The following ZNF875 variants were observed in gnomAD, a reference collection of about 807,000 sequenced individuals.
The protein encoded by ZNF875 is zinc finger protein 875.
ZNF875 carries 14 observed loss-of-function variants against 11.2 expected under a neutral mutation model. The ratio of observed to expected loss-of-function variants is 1.26; its 90% CI spans 0.83 to 1.96. The LOEUF (loss-of-function observed/expected upper bound fraction) is 1.96, where lower values mean the gene tolerates loss of function less well. Among genes scored for constraint, ZNF875 ranks in the 30% most tolerant of loss-of-function variants. The pLI, the probability that ZNF875 is intolerant of heterozygous loss-of-function variation, is 0.00. For synonymous variants in ZNF875, 301 were observed against 281.1 expected (o/e 1.07, Z -0.71); for missense variants, 752 against 760.4 (o/e 0.99, Z 0.13).
Position 37,334,778 on chromosome 19 carries a change from G to T in ZNF875, c.-61G>T, listed in dbSNP as rs778975257. ...TTCAGGATCCGCAGCGTGCACCCGC[G>T]TTCCGTGAGTGCCCTATAGGCAGTC... is the stretch of plus-strand genomic sequence containing the variant. On this transcript the variant is annotated 5_prime_UTR_variant, in exon 1 of 5. Transcript: ENST00000392153. The T allele has an allele frequency of 2.2e-6, 1 of 456,544 alleles. No individual in the cohort carries two copies. The highest frequency in any genetic ancestry group is 1.5e-5 in the South Asian group (1 of 64,560). The allele number at this position is 456,544 out of a possible 1,614,324, so 28.3% of individuals were successfully genotyped here.
At chr19:37,334,848 G>T (rs2033979279) in intron 1 of ZNF875, 66 bp downstream of exon 1, 1 of 461,188 alleles carries the variant, frequency 2.2e-6, no homozygotes, top group South Asian at 1.6e-5. Context: ...ACGCCGGCTG[G>T]GAGCCGCAGA....
chr19:37,325,996 A>G (rs1430888042), intron 4 of ZNF875, among the ~76,000 whole-genome samples: 1 of 152,174 alleles, frequency 6.6e-6, no homozygotes, highest in South Asian at 2.1e-4. Flanking sequence ...CGCGTGAGCC[A>G]CTGCACTTGG....
upstream of ZNF875, among the ~76,000 whole-genome samples, chr19:37,317,532 C>G (rs2030313154): frequency 1.3e-5 from 2 of 152,188 alleles, no homozygotes; most frequent in African/African-American, 4.8e-5. Flanking sequence ...CTGTGTTCAC[C>G]GGGAGGTGGG....
intron 2 of ZNF875, among the ~76,000 whole-genome samples, chr19:37,336,297 A>ATT (rs34434733): frequency 0.013 from 1,606 of 124,324 alleles, 32 homozygotes; most frequent in Non-Finnish European, 0.019. Flanking sequence ...TTAAGATTGA[A>ATT]TTTTTTTTTT....
Position 37,347,199 on chromosome 19 carries a change from G to A in ZNF875, c.43G>A (p.Ala15Thr), listed in dbSNP as rs549724058. ...GTGTTTTGTGTTAAAGGCGTTCGTG[G>A]CATTCAGGGATGTGGCTGTGTACTT... The part of the protein sequence containing the change: ...LLRAKKEAFV[A>T]FRDVAVYFTQ... Residue 15 changes from alanine to threonine, a missense_variant, in exon 3 of 5, where the codon GCA (alanine) becomes ACA (threonine). Transcript: ENST00000392153. 8 of 1,614,028 alleles carry A rather than the reference G, an allele frequency of 5.0e-6. No homozygotes were observed. The South Asian group carries it at 8.8e-5, about 18-fold the overall frequency.
chr19:37,318,613 C>T (rs2030577539), intron 1 of ZNF875, among the ~76,000 whole-genome samples: 1 of 151,562 alleles, frequency 6.6e-6, no homozygotes, highest in Non-Finnish European at 1.5e-5. Context: ...GCTCTGTCTC[C>T]TGGGTTCACG....
intron 2 of ZNF875, among the ~76,000 whole-genome samples, chr19:37,323,143 A>C (rs985664508): frequency 2.0e-5 from 3 of 148,108 alleles, no homozygotes; most frequent in Non-Finnish European, 4.4e-5. Context: ...GTTGTTGGGC[A>C]AACGGTCTGA....
chr19:37,320,171 G>C (rs1440980177), intron 1 of ZNF875, among the ~76,000 whole-genome samples: 2 of 152,160 alleles, frequency 1.3e-5, no homozygotes, highest in Non-Finnish European at 2.9e-5. Flanking sequence ...CACCGCACCC[G>C]GCCATAACTC....
intron 1 of ZNF875, 27 bp downstream of exon 1, chr19:37,334,809 G>T (rs752296724): frequency 2.2e-6 from 1 of 457,670 alleles, no homozygotes; most frequent in South Asian, 1.5e-5. Context: ...CAGTCAGCAT[G>T]CCCCTCTGCG....
chr19:37,335,879 CAT>C (rs371394661), intron 2 of ZNF875, among the ~76,000 whole-genome samples: 94 of 152,308 alleles, frequency 6.2e-4, no homozygotes, highest in Non-Finnish European at 1.1e-3. Context: ...CGGCTCCAAA[CAT>C]AGTCTGACCT....
rs2040212091 is a variant in ZNF875, at chr19:37,362,948, T to C, written c.1096T>C (p.Tyr366His). Residue 366 changes from tyrosine to histidine, a missense_variant, in exon 5 of 5, where the codon TAT becomes CAT. By Grantham distance (83) the Tyr-to-His change is moderately conservative. Coordinates refer to ENST00000392153, the MANE Select transcript of ZNF875 (RefSeq NM_001353803.2). ...GAGGGCGCACACTGGGGAGAAGCCT[T>C]ATGTTTGCAGGGAATGTGGGCGTGG... ...HQRAHTGEKP[Y>H]VCRECGRGFR... The C allele has an allele frequency of 6.2e-7, 1 of 1,614,008 alleles. No individual in the cohort carries two copies. Among genetic ancestry groups the C allele is most frequent in the Non-Finnish European group, 8.5e-7 (1 of 1,180,010 alleles).
upstream of ZNF875, among the ~76,000 whole-genome samples, chr19:37,334,140 C>A (rs1006913305): frequency 6.6e-6 from 1 of 152,138 alleles, no homozygotes; most frequent in Non-Finnish European, 1.5e-5. Context: ...CTGCTCTCCG[C>A]GAAAATAGCC....
intron 2 of ZNF875, among the ~76,000 whole-genome samples, chr19:37,342,868 C>G (rs1050277425): frequency 6.6e-6 from 1 of 152,208 alleles, no homozygotes; most frequent in African/African-American, 2.4e-5. Flanking sequence ...TTTCATCACT[C>G]CTTTCCCAGT....
intron 1 of ZNF875, among the ~76,000 whole-genome samples, chr19:37,321,280 C>A (rs1158123310): frequency 6.6e-6 from 1 of 152,166 alleles, no homozygotes; most frequent in Non-Finnish European, 1.5e-5. Context: ...GCATCTGTCT[C>A]CTGCTCGTCC....
intron 3 of ZNF875, chr19:37,347,532 C>T: frequency 1.6e-6 from 1 of 612,568 alleles, no homozygotes; most frequent in Non-Finnish European, 2.8e-6. Context: ...GCCTGTTTCC[C>T]AAGGCTTGTG....
At chr19:37,330,747 T>C (rs2033243156), upstream of ZNF875, among the ~76,000 whole-genome samples, 1 of 152,190 alleles carries the variant, frequency 6.6e-6, no homozygotes, top group African/African-American at 2.4e-5. Context: ...TAATAACTTT[T>C]TTGACTCATT....
At chr19:37,334,185 T>C (rs574493589), upstream of ZNF875, among the ~76,000 whole-genome samples, 27 of 152,248 alleles carry the variant, frequency 1.8e-4, no homozygotes, top group African/African-American at 6.0e-4. Context: ...CCTCCTACTC[T>C]AGGGGACAAA....
At chr19:37,319,097 A>T (rs926360192) in intron 1 of ZNF875, among the ~76,000 whole-genome samples, 4 of 146,560 alleles carry the variant, frequency 2.7e-5, no homozygotes, top group African/African-American at 1.0e-4. Flanking sequence ...CCCAGGCTGG[A>T]GTGCAATGGT....
At chr19:37,351,097 G>T (rs180682030) in intron 4 of ZNF875, among the ~76,000 whole-genome samples, 1 of 151,886 alleles carries the variant, frequency 6.6e-6, no homozygotes. Flanking sequence ...AACCACTTGT[G>T]CCCAGCCTCA....
Sources: allele counts gnomAD v4.1 joint callset (sites outside exome capture counted in the v4.1 genomes callset), GRCh38; gene constraint gnomAD v4.1.1; transcripts MANE v1.5; gene names NCBI Gene and HGNC (gene_info 2026-07-23, HGNC 2026-07-21).